The following ARHGAP10 variants were observed in gnomAD, a reference collection of about 807,000 sequenced individuals.
ARHGAP10 encodes the protein rho GTPase-activating protein 10.
A neutral mutation model predicts 108.6 loss-of-function variants in ARHGAP10; 87 were observed. The ratio of observed to expected loss-of-function variants is 0.80; its 90% confidence interval spans 0.67 to 0.96. The LOEUF is 0.96. Ranked by LOEUF, ARHGAP10 falls within the 40% of genes least tolerant of loss-of-function variation. ARHGAP10 has a pLI of 0.00. For synonymous variants in ARHGAP10, 347 were observed against 341.1 expected, an observed-to-expected ratio of 1.02 and a Z score of -0.19; for missense variants, 939 against 954.5, an observed-to-expected ratio of 0.98 and a Z score of 0.21.
intron 20 of ARHGAP10, among the ~76,000 whole-genome samples, chr4:148,048,663 G>A (rs900015694): frequency 3.3e-5 from 5 of 152,186 alleles, no homozygotes; most frequent in African/African-American, 4.8e-5. Context: ...CTCTAATTAT[G>A]CCTTTCAGTA....
At chr4:148,048,357 A>G (rs1376124707) in intron 20 of ARHGAP10, among the ~76,000 whole-genome samples, 1 of 152,214 alleles carries the variant, frequency 6.6e-6, no homozygotes, top group Non-Finnish European at 1.5e-5. Flanking sequence ...TTTGGGGGTG[A>G]TCTGAAGACT....
At chr4:148,013,413 C>T (rs1184708836) in intron 18 of ARHGAP10, among the ~76,000 whole-genome samples, 1 of 151,980 alleles carries the variant, frequency 6.6e-6, no homozygotes, top group Non-Finnish European at 1.5e-5. Flanking sequence ...TTTTTTCTTT[C>T]TAGGAAAAGT....
At chr4:148,043,614 A>AATATATATATATATATGTATATAT (rs1728728567) in intron 19 of ARHGAP10, among the ~76,000 whole-genome samples, 2 of 54,978 alleles carry the variant, frequency 3.6e-5, no homozygotes, top group African/African-American at 1.1e-4. Context: ...CCCTCTCTCT[A>AATATATATATATATATGTATATAT]ATATATATAT....
chr4:147,783,987 T>C (rs1038041405), intron 1 of ARHGAP10, among the ~76,000 whole-genome samples: 1 of 139,884 alleles, frequency 7.1e-6, no homozygotes, highest in African/African-American at 2.6e-5. Context: ...CATTATTATA[T>C]AATTTATATA....
At chr4:147,929,994 G>T (rs1168682795) in intron 13 of ARHGAP10, among the ~76,000 whole-genome samples, 1 of 152,122 alleles carries the variant, frequency 6.6e-6, no homozygotes, top group East Asian at 1.9e-4. Context: ...TGAAATGTTA[G>T]ACTTTTGATG....
intron 1 of ARHGAP10, among the ~76,000 whole-genome samples, chr4:147,807,279 T>C (rs983426810): frequency 1.3e-5 from 2 of 152,130 alleles, no homozygotes; most frequent in African/African-American, 4.8e-5. Flanking sequence ...TGCATAACAG[T>C]AGATGCTTAC....
intron 19 of ARHGAP10, among the ~76,000 whole-genome samples, chr4:148,033,384 A>G (rs956236914): frequency 6.6e-6 from 1 of 152,254 alleles, no homozygotes; most frequent in Non-Finnish European, 1.5e-5. Flanking sequence ...ATGCTTTTGA[A>G]TGAAAAAAGC....
chr4:147,762,225 C>A (rs1250549241), intron 1 of ARHGAP10, among the ~76,000 whole-genome samples: 1 of 152,166 alleles, frequency 6.6e-6, no homozygotes, highest in African/African-American at 2.4e-5. Flanking sequence ...CTGGGCTTGT[C>A]TTGAACCCCT....
chr4:148,066,368 G>T (rs1367396825), intron 22 of ARHGAP10, among the ~76,000 whole-genome samples: 2 of 152,218 alleles, frequency 1.3e-5, no homozygotes, highest in African/African-American at 4.8e-5. Flanking sequence ...ATCACACGGG[G>T]TATAGGATAC....
At chr4:148,000,009 G>A (rs562561303) in intron 18 of ARHGAP10, among the ~76,000 whole-genome samples, 1 of 151,492 alleles carries the variant, frequency 6.6e-6, no homozygotes, top group African/African-American at 2.4e-5. Flanking sequence ...CATGCGCCAC[G>A]TTGGTGTGCT....
intron 10 of ARHGAP10, among the ~76,000 whole-genome samples, chr4:147,899,666 TTAC>T (rs2126898244): frequency 6.6e-6 from 1 of 152,194 alleles, no homozygotes; most frequent in South Asian, 2.1e-4. Flanking sequence ...AAGAAAGAAG[TTAC>T]TATAAAGACT....
chr4:148,072,441 C>G lies in ARHGAP10; in HGVS notation c.*360C>G. ...ACGCCACCAGAGCCACCCTGGCTCC[C>G]TCTCCTCCCTGAGCACCTGCTGCTG... On this transcript the variant is annotated 3_prime_UTR_variant, in exon 23 of 23. Coordinates refer to ENST00000336498, the MANE Select transcript of ARHGAP10 (RefSeq NM_024605.4). 4.1e-6 allele frequency: 1 copy of G among 242,314 alleles called. No homozygotes were observed. The highest frequency in any genetic ancestry group is 7.9e-6 in the Non-Finnish European group (1 of 126,886). The allele number at this position is 242,314 out of a possible 1,614,324, so 15.0% of individuals were successfully genotyped here. A position where few individuals can be genotyped will look rare whatever the true frequency, so the allele number is the denominator to read the frequency against.
At chr4:147,988,022 A>C (rs1740107791) in intron 18 of ARHGAP10, among the ~76,000 whole-genome samples, 2 of 152,234 alleles carry the variant, frequency 1.3e-5, no homozygotes, top group Admixed American at 1.3e-4. Context: ...AGGCACTTGC[A>C]GTTCAATAAA....
intron 1 of ARHGAP10, among the ~76,000 whole-genome samples, chr4:147,734,310 G>A (rs1480435516): frequency 1.3e-5 from 2 of 152,160 alleles, no homozygotes; most frequent in Admixed American, 6.5e-5. Context: ...AGCAGCCAGT[G>A]CATCTGGGGG....
In ARHGAP10 at chr4:147,876,287, GAAAT is replaced by G. The variant is rs917098077; in HGVS notation, c.832+1142_832+1145del. On this transcript the variant is annotated intron_variant, in intron 8 of 22. Coordinates refer to ENST00000336498, the MANE Select transcript of ARHGAP10 (RefSeq NM_024605.4). ...TCAGTTTTTAAAATTGAATTTGAAA[GAAAT>G]AAATTAAAACTCAAGATAGGGCTGG... Among the ~76,000 whole-genome samples, 18 of 152,204 alleles carry G rather than the reference GAAAT, an allele frequency of 1.2e-4. 1 individual carries two copies. Among genetic ancestry groups the G allele is most frequent in the African/African-American group, 4.3e-4 (18 of 41,536 alleles).
chr4:147,845,965 G>C (rs982130501), intron 3 of ARHGAP10, among the ~76,000 whole-genome samples: 4 of 152,186 alleles, frequency 2.6e-5, no homozygotes, highest in Non-Finnish European at 5.9e-5. Flanking sequence ...ATGTAGAGAG[G>C]ATAAAATGAT....
chr4:147,758,854 C>T (rs1242784153), intron 1 of ARHGAP10, among the ~76,000 whole-genome samples: 2 of 151,306 alleles, frequency 1.3e-5, no homozygotes, highest in East Asian at 1.9e-4. Flanking sequence ...TGGTGCGTGC[C>T]TGTAGTCCCA....
rs371998598 is a variant in ARHGAP10 at position 147,751,883 on chromosome 4, G to GTTT, written c.154+19447_154+19449dup. Among the ~76,000 whole-genome samples the GTTT allele has an allele frequency of 8.2e-4, 103 of 126,294 alleles. 1 individual carries two copies. The highest frequency in any genetic ancestry group is 2.3e-3 in the African/African-American group (80 of 34,274). The allele number at this position is 126,294 out of a possible 152,430, so 82.9% of individuals were successfully genotyped here. A position where few individuals can be genotyped will look rare whatever the true frequency, so the allele number is the denominator to read the frequency against. The stretch of plus-strand genomic sequence containing the variant: ...AGTTATACACTTTCTGAAGCCTTTA[G>GTTT]TTTTTTTTTTTTTTTTTTTTTAAGA... On this transcript the variant is annotated intron_variant, in intron 1 of 22. Transcript: ENST00000336498.
chr4:147,905,672 C>T (rs1387750927), intron 10 of ARHGAP10, among the ~76,000 whole-genome samples: 1 of 146,070 alleles, frequency 6.8e-6, no homozygotes, highest in African/African-American at 2.5e-5. Flanking sequence ...AGCGTGATGC[C>T]TCCAGCTTTG....
Sources: allele counts gnomAD v4.1 joint callset (sites outside exome capture counted in the v4.1 genomes callset), GRCh38; gene constraint gnomAD v4.1.1; transcripts MANE v1.5; gene names NCBI Gene and HGNC (gene_info 2026-07-23, HGNC 2026-07-21).